The following DPP10 variants were observed in gnomAD, a reference collection of about 807,000 sequenced individuals.
DPP10 encodes the protein inactive dipeptidyl peptidase 10.
DPP10 carries 33 observed loss-of-function variants against 120.9 expected under a neutral mutation model. That is an observed-to-expected ratio of 0.27 (90% CI 0.21 to 0.37). The LOEUF (loss-of-function observed/expected upper bound fraction) is 0.37, where lower values mean the gene tolerates loss of function less well. Among genes scored for constraint, DPP10 ranks in the 10% least tolerant of loss-of-function variants. DPP10 has a pLI of 1.00. For synonymous variants in DPP10, 337 were observed against 326.1 expected, an observed-to-expected ratio of 1.03 and a Z score of -0.36; for missense variants, 816 against 942.8, an observed-to-expected ratio of 0.87 and a Z score of 1.76.
chr2:114,638,074 C>A (rs1323976395), intron 1 of DPP10, among the ~76,000 whole-genome samples: 4 of 151,772 alleles, frequency 2.6e-5, no homozygotes, highest in Admixed American at 6.6e-5. Context: ...TTGCTTTGGG[C>A]AGTATGGCCA....
At chr2:115,440,193 A>G (rs958181689) in intron 3 of DPP10, among the ~76,000 whole-genome samples, 6 of 152,004 alleles carry the variant, frequency 3.9e-5, no homozygotes, top group African/African-American at 1.4e-4. Context: ...AAATATTTCC[A>G]TATATTATAT....
intron 1 of DPP10, among the ~76,000 whole-genome samples, chr2:114,466,258 G>A (rs539595439): frequency 6.6e-6 from 1 of 152,262 alleles, no homozygotes; most frequent in African/African-American, 2.4e-5. Flanking sequence ...TATTGACAAT[G>A]TGTATTTTAT....
chr2:114,719,093 A>G (rs1343151246), intron 1 of DPP10, among the ~76,000 whole-genome samples: 1 of 152,196 alleles, frequency 6.6e-6, no homozygotes, highest in Non-Finnish European at 1.5e-5. Flanking sequence ...TACTATTCCC[A>G]TGTTTGCCTG....
rs138957712 is a variant in DPP10, at chr2:115,418,706, A to T, written c.271+74794A>T. 7.4e-3 allele frequency among the ~76,000 whole-genome samples: 1,123 copies of T among 152,192 alleles called. 6 individuals are homozygous for T. Among genetic ancestry groups the T allele is most frequent in the African/African-American group, 0.025 (1,029 of 41,514 alleles). ...AGGATCACTTGAGCCCAGGAGGTTG[A>T]GGCTGCAGTGAGCTCTGATCACAAA... On this transcript the variant is annotated intron_variant, in intron 3 of 25. Transcript: ENST00000410059.
chr2:115,742,542 A>G lies in DPP10; in HGVS notation c.852+2649A>G, dbSNP rs576190731. Among the ~76,000 whole-genome samples the G allele has an allele frequency of 7.2e-5, 11 of 152,286 alleles. No individual in the cohort carries two copies. In the East Asian group the frequency reaches 2.1e-3, roughly 29 times the overall value. On this transcript the variant is annotated intron_variant, in intron 9 of 25. Coordinates refer to ENST00000410059, the MANE Select transcript of DPP10 (RefSeq NM_020868.6). Reference sequence around the variant, plus strand: ...TCCTCAGGTGATTTTTAGTAGGAAGACCTGCTCACCTACCCAGGTACTTAA... The same window carrying G: ...TCCTCAGGTGATTTTTAGTAGGAAGGCCTGCTCACCTACCCAGGTACTTAA...
chr2:115,052,526 G>A (rs1284247102), intron 1 of DPP10, among the ~76,000 whole-genome samples: 1 of 152,176 alleles, frequency 6.6e-6, no homozygotes. Context: ...ATCTGGATAA[G>A]CGTTTCTCCA....
At position 115,508,579 on chromosome 2, in the gene DPP10, G is replaced by A. The variant is rs187591289; in HGVS notation, c.366+8975G>A. ...AATTTCTAATGCATTGGCTGTATCT[G>A]TTTTAAATAAGTCACGGAAAGCTTT... On this transcript the variant is annotated intron_variant, in intron 4 of 25. Transcript: ENST00000410059. Among the ~76,000 whole-genome samples, 147 of 152,252 alleles carry A rather than the reference G, an allele frequency of 9.7e-4. No individual in the cohort carries two copies. The Middle Eastern group carries it at 0.014, about 14-fold the overall frequency.
intron 1 of DPP10, among the ~76,000 whole-genome samples, chr2:114,921,354 A>G (rs998702158): frequency 6.6e-6 from 1 of 152,190 alleles, no homozygotes; most frequent in African/African-American, 2.4e-5. Flanking sequence ...TTAAAGAACC[A>G]TCATACATTT....
At chr2:114,512,176 T>C (rs1684200512) in intron 1 of DPP10, among the ~76,000 whole-genome samples, 1 of 152,212 alleles carries the variant, frequency 6.6e-6, no homozygotes. Context: ...TCATGAAACA[T>C]AACTCAGATG....
chr2:114,780,870 T>A (rs1277893207), intron 1 of DPP10, among the ~76,000 whole-genome samples: 1 of 152,114 alleles, frequency 6.6e-6, no homozygotes, highest in African/African-American at 2.4e-5. Flanking sequence ...AGTCTTTAAG[T>A]CAAGAGCATT....
At chr2:114,689,914 T>C (rs908847187) in intron 1 of DPP10, among the ~76,000 whole-genome samples, 1 of 151,870 alleles carries the variant, frequency 6.6e-6, no homozygotes, top group African/African-American at 2.4e-5. Flanking sequence ...CTTTGCCCAC[T>C]TTTTTTAATG....
chr2:115,500,606 C>A (rs942740985), intron 4 of DPP10, among the ~76,000 whole-genome samples: 1 of 151,840 alleles, frequency 6.6e-6, no homozygotes, highest in African/African-American at 2.4e-5. Flanking sequence ...TATCATTGGG[C>A]TAAATTTAAC....
chr2:115,078,791 A>G (rs947599416), intron 1 of DPP10, among the ~76,000 whole-genome samples: 4 of 133,530 alleles, frequency 3.0e-5, no homozygotes, highest in African/African-American at 5.6e-5. Context: ...TCTTCATATT[A>G]AAGACATATT....
Position 115,287,083 on chromosome 2 carries a change from G to A in DPP10, c.61-22156G>A, listed in dbSNP as rs114095407. 2.7e-3 allele frequency among the ~76,000 whole-genome samples: 417 copies of A among 152,094 alleles called. 1 individual carries two copies. Among genetic ancestry groups the A allele is most frequent in the Non-Finnish European group, 4.4e-3 (296 of 67,968 alleles). Reference sequence around the variant, plus strand: ...GCTTCACTAGGGAAAGGCAGAAAATGTATGACTGTAGAGTTAACATTCTTG... The same window carrying A: ...GCTTCACTAGGGAAAGGCAGAAAATATATGACTGTAGAGTTAACATTCTTG... On this transcript the variant is annotated intron_variant, in intron 1 of 25. Coordinates refer to ENST00000410059, the MANE Select transcript of DPP10 (RefSeq NM_020868.6).
chr2:115,553,516 G>T (rs2080009123), intron 5 of DPP10, among the ~76,000 whole-genome samples: 1 of 151,840 alleles, frequency 6.6e-6, no homozygotes, highest in African/African-American at 2.4e-5. Context: ...TAAATATAAT[G>T]ATATATTAAA....
intron 19 of DPP10, among the ~76,000 whole-genome samples, chr2:115,805,640 T>A (rs1214313983): frequency 6.6e-6 from 1 of 150,462 alleles, no homozygotes; most frequent in Non-Finnish European, 1.5e-5. Context: ...AGTGGTGCAA[T>A]CTTGGCTCAC....
At chr2:114,520,706 C>T (rs79180426) in intron 1 of DPP10, among the ~76,000 whole-genome samples, 14,831 of 152,232 alleles carry the variant, frequency 0.097, 777 homozygotes, top group South Asian at 0.18. Flanking sequence ...AATCTTCTCT[C>T]TGTCTTGAAA....
Position 115,000,045 on chromosome 2 carries a change from T to A in DPP10, c.61-309194T>A, listed in dbSNP as rs115953289. ...TTTTTTAATTTATCAGTCTCCTTTT[T>A]CCTCATGACCATCCCTAAACTCAGA... On this transcript the variant is annotated intron_variant, in intron 1 of 25. Coordinates refer to ENST00000410059, the MANE Select transcript of DPP10 (RefSeq NM_020868.6). Among the ~76,000 whole-genome samples, 871 of 152,170 alleles carry A rather than the reference T, an allele frequency of 5.7e-3. 10 individuals carry two copies. Among genetic ancestry groups the A allele is most frequent in the African/African-American group, 0.02 (822 of 41,528 alleles).
In DPP10 at chr2:115,248,586, A is replaced by T. The variant is rs970346935; in HGVS notation, c.61-60653A>T. Reference sequence around the variant, plus strand: ...AGAGGGAATAAGTTATACAGAGGTAATGATGAAGTAGGTAAAGTTCAAATT... The same window carrying T: ...AGAGGGAATAAGTTATACAGAGGTATTGATGAAGTAGGTAAAGTTCAAATT... On this transcript the variant is annotated intron_variant, in intron 1 of 25. Coordinates refer to ENST00000410059, the MANE Select transcript of DPP10 (RefSeq NM_020868.6). Among the ~76,000 whole-genome samples, 17 of 152,106 alleles carry T rather than the reference A, an allele frequency of 1.1e-4. 1 individual carries two copies. The highest frequency in any genetic ancestry group is 3.3e-4 in the Admixed American group (5 of 15,246).
Sources: allele counts gnomAD v4.1 joint callset (sites outside exome capture counted in the v4.1 genomes callset), GRCh38; gene constraint gnomAD v4.1.1; transcripts MANE v1.5; gene names NCBI Gene and HGNC (gene_info 2026-07-23, HGNC 2026-07-21).